The following LYPD6 variants were observed in gnomAD, a reference collection of about 807,000 sequenced individuals.
LYPD6 encodes LY6/PLAUR domain containing 6, also known as ly6/PLAUR domain-containing protein 6.
Under a neutral mutation model 22.7 loss-of-function variants are expected in LYPD6, and 15 were observed. The observed-to-expected ratio is 0.66, with a 90% CI of 0.44 to 1.02. The LOEUF (loss-of-function observed/expected upper bound fraction) is 1.02. LYPD6 is among the 50% of genes least tolerant of loss of function. The probability of loss-of-function intolerance (pLI) is 0.00; values close to 1 mark genes in which losing one functional copy is unlikely to be tolerated. For missense variants in LYPD6, 189 were observed against 208.4 expected (o/e 0.91, Z 0.57); for synonymous variants, 72 against 77.5 (o/e 0.93, Z 0.37).
intron 4 of LYPD6, among the ~76,000 whole-genome samples, chr2:149,470,001 C>A (rs1365215099): frequency 1.3e-5 from 2 of 152,160 alleles, no homozygotes; most frequent in East Asian, 1.9e-4. Context: ...TTGTCTGGGG[C>A]AAGGTTTGAG....
rs529410441 is a variant in LYPD6 at position 149,467,938 on chromosome 2, A to T, written c.218-707A>T. ...TCATTAGACATAGAGGGACCTCTGGAAACTCCCATCATGGTCTTCATCTGT... is the reference window on the plus strand; with the variant it reads ...TCATTAGACATAGAGGGACCTCTGGTAACTCCCATCATGGTCTTCATCTGT... On this transcript the variant is annotated intron_variant, in intron 3 of 4. Coordinates refer to ENST00000334166, the MANE Select transcript of LYPD6 (RefSeq NM_194317.5). Among the ~76,000 whole-genome samples the T allele has an allele frequency of 4.6e-5, 7 of 152,264 alleles. No homozygotes were observed. In the South Asian group the frequency reaches 1.5e-3, roughly 32 times the overall value.
intron 1 of LYPD6, among the ~76,000 whole-genome samples, chr2:149,361,963 A>G (rs893257551): frequency 2.6e-5 from 4 of 152,162 alleles, no homozygotes; most frequent in Non-Finnish European, 4.4e-5. Flanking sequence ...AGAGGTTGCA[A>G]TGATGTGCTT....
At chr2:149,446,740 A>G (rs1163039384) in intron 2 of LYPD6, among the ~76,000 whole-genome samples, 2 of 152,250 alleles carry the variant, frequency 1.3e-5, no homozygotes, top group Non-Finnish European at 2.9e-5. Flanking sequence ...AGTTCCGATT[A>G]CTTGTCTTTT....
intron 3 of LYPD6, among the ~76,000 whole-genome samples, chr2:149,465,092 T>A (rs1356261096): frequency 6.6e-6 from 1 of 152,138 alleles, no homozygotes; most frequent in Non-Finnish European, 1.5e-5. Context: ...TGAGGCCACT[T>A]GAGTGAGAAG....
intron 2 of LYPD6, among the ~76,000 whole-genome samples, chr2:149,439,628 C>T (rs976681192): frequency 1.3e-5 from 2 of 152,168 alleles, no homozygotes; most frequent in Non-Finnish European, 2.9e-5. Flanking sequence ...TAACAACATA[C>T]ACACCACTTC....
At chr2:149,385,237 G>C (rs919238121) in intron 1 of LYPD6, among the ~76,000 whole-genome samples, 49 of 152,170 alleles carry the variant, frequency 3.2e-4, no homozygotes, top group African/African-American at 1.1e-3. Context: ...TGTATTCACT[G>C]TGTGTAAACC....
At chr2:149,394,049 G>A (rs976518505) in intron 1 of LYPD6, among the ~76,000 whole-genome samples, 6 of 152,090 alleles carry the variant, frequency 3.9e-5, no homozygotes, top group African/African-American at 1.4e-4. Flanking sequence ...TATAAAATTC[G>A]GTCATTAGCT....
At chr2:149,434,624 A>G (rs989819565) in intron 1 of LYPD6, among the ~76,000 whole-genome samples, 1 of 152,154 alleles carries the variant, frequency 6.6e-6, no homozygotes, top group African/African-American at 2.4e-5. Context: ...GGATGAGTTG[A>G]CGAAGAAAGG....
At chr2:149,485,504 C>T in the LYPD6 span, among the ~76,000 whole-genome samples, 1 of 152,146 alleles carries the variant, frequency 6.6e-6, no homozygotes, top group Non-Finnish European at 1.5e-5. Context: ...GTGCCACATG[C>T]TTTCCTCTCT....
At chr2:149,421,131 A>AATCCCAGCACTTTTCTTTAATCCCACCT (rs1683068932) in intron 1 of LYPD6, among the ~76,000 whole-genome samples, 2 of 151,668 alleles carry the variant, frequency 1.3e-5, no homozygotes, top group African/African-American at 4.9e-5. Flanking sequence ...TAATCCCACC[A>AATCCCAGCACTTTTCTTTAATCCCACCT]CTTTCTTTAA....
At chr2:149,445,268 A>G (rs1470370797) in intron 2 of LYPD6, among the ~76,000 whole-genome samples, 3 of 152,220 alleles carry the variant, frequency 2.0e-5, no homozygotes, top group Non-Finnish European at 4.4e-5. Context: ...TGTTCCATTT[A>G]TAGAGCACAG....
chr2:149,407,521 G>T (rs1256655095), intron 1 of LYPD6, among the ~76,000 whole-genome samples: 1 of 151,952 alleles, frequency 6.6e-6, no homozygotes, highest in African/African-American at 2.4e-5. Flanking sequence ...CCAGTTGATC[G>T]CGTCGGCTCC....
rs561398937 is a variant in LYPD6 at position 149,406,671 on chromosome 2, C to T, written c.-71-30967C>T. Among the ~76,000 whole-genome samples the T allele has an allele frequency of 4.4e-3, 672 of 152,334 alleles. 6 individuals carry two copies. Among genetic ancestry groups the T allele is most frequent in the Non-Finnish European group, 6.7e-3 (453 of 68,044 alleles). On this transcript the variant is annotated intron_variant, in intron 1 of 4. Coordinates refer to ENST00000334166, the MANE Select transcript of LYPD6 (RefSeq NM_194317.5). ...TCCTGAATACAGCACACTGATTTGTCTTGACTCTTTATCCAATTTGCCAGT... is the reference window on the plus strand; with the variant it reads ...TCCTGAATACAGCACACTGATTTGTTTTGACTCTTTATCCAATTTGCCAGT...
intron 3 of LYPD6, among the ~76,000 whole-genome samples, chr2:149,460,049 T>G (rs890842479): frequency 7.2e-5 from 11 of 152,076 alleles, no homozygotes; most frequent in Admixed American, 1.3e-4. Context: ...AGCGCAACAA[T>G]TTTAAAAAGA....
intron 3 of LYPD6, among the ~76,000 whole-genome samples, chr2:149,459,950 A>G (rs975108158): frequency 1.3e-5 from 2 of 152,156 alleles, no homozygotes; most frequent in African/African-American, 4.8e-5. Flanking sequence ...TTAGGGCATA[A>G]AAAGAGGTAA....
chr2:149,396,264 C>T (rs1010674529), intron 1 of LYPD6, among the ~76,000 whole-genome samples: 2 of 151,830 alleles, frequency 1.3e-5, no homozygotes, highest in African/African-American at 4.8e-5. Context: ...ATCACTTCTC[C>T]TATCTCTCCT....
At chr2:149,433,757 G>A (rs979054092) in intron 1 of LYPD6, among the ~76,000 whole-genome samples, 38 of 152,100 alleles carry the variant, frequency 2.5e-4, no homozygotes, top group Admixed American at 5.2e-4. Context: ...CCACATCCCT[G>A]CTACTGGGTC....
Position 149,330,597 on chromosome 2 carries a change from C to T in LYPD6, c.-197C>T, listed in dbSNP as rs535423272. On this transcript the variant is annotated 5_prime_UTR_variant, in exon 1 of 5. Transcript: ENST00000334166. Reference sequence around the variant, plus strand: ...TCCCCGCTGCGCTCCCTCGCTCCTTCCCTGAGCTCCCGGGCTCCGGCAGCG... The same window carrying T: ...TCCCCGCTGCGCTCCCTCGCTCCTTTCCTGAGCTCCCGGGCTCCGGCAGCG... 8 of 151,642 alleles carry T rather than the reference C, an allele frequency of 5.3e-5. No individual in the cohort carries two copies. The East Asian group carries it at 1.4e-3, about 26-fold the overall frequency. The allele number at this position is 151,642 out of a possible 1,614,324, so 9.4% of individuals were successfully genotyped here. A position where few individuals can be genotyped will look rare whatever the true frequency, so the allele number is the denominator to read the frequency against.
chr2:149,396,416 T>C (rs1682430722), intron 1 of LYPD6, among the ~76,000 whole-genome samples: 1 of 152,144 alleles, frequency 6.6e-6, no homozygotes, highest in Non-Finnish European at 1.5e-5. Context: ...GCCTATGTTT[T>C]CTTTTGTTCC....
Sources: allele counts gnomAD v4.1 joint callset (sites outside exome capture counted in the v4.1 genomes callset), GRCh38; gene constraint gnomAD v4.1.1; transcripts MANE v1.5; gene names NCBI Gene and HGNC (gene_info 2026-07-23, HGNC 2026-07-21).